ATCAY: variants seen among roughly 807,000 people sequenced by gnomAD.
ATCAY encodes caytaxin.
In ATCAY, 22 loss-of-function variants were observed where a neutral mutation model predicts 47.7. The ratio of observed to expected loss-of-function variants is 0.46; its 90% CI spans 0.33 to 0.66. The LOEUF is 0.66. Ranked by LOEUF, ATCAY falls within the 30% of genes least tolerant of loss-of-function variation. The probability of loss-of-function intolerance (pLI) is 0.02; values close to 1 mark genes in which losing one functional copy is unlikely to be tolerated. For synonymous variants in ATCAY, 216 were observed against 207.6 expected (o/e 1.04, Z -0.35); for missense variants, 452 against 515.0 (o/e 0.88, Z 1.18).
intron 2 of ATCAY, among the ~76,000 whole-genome samples, chr19:3,890,733 C>T (rs1369524379): frequency 2.0e-5 from 3 of 152,212 alleles, no homozygotes; most frequent in Non-Finnish European, 2.9e-5. Flanking sequence ...CAAGGCTTCT[C>T]GCCCACCCGC....
At chr19:3,911,094 C>A (rs538077858) in intron 8 of ATCAY, among the ~76,000 whole-genome samples, 2 of 152,298 alleles carry the variant, frequency 1.3e-5, no homozygotes, top group African/African-American at 2.4e-5. Flanking sequence ...TTAAATTGCA[C>A]ACAGCCAGGC....
chr19:3,885,983 C>CAGAGTGT, intron 2 of ATCAY, 139 bp downstream of exon 2: 1 of 799,984 alleles, frequency 1.3e-6, no homozygotes, highest in Non-Finnish European at 2.1e-6. Context: ...CCTCCTCTCC[C>CAGAGTGT]GCACACTCTG....
At chr19:3,917,163 G>A (rs907272225) in intron 9 of ATCAY, among the ~76,000 whole-genome samples, 7 of 152,210 alleles carry the variant, frequency 4.6e-5, no homozygotes, top group Admixed American at 3.3e-4. Context: ...GGTGGCTCAT[G>A]CCTGTAATCC....
intron 2 of ATCAY, among the ~76,000 whole-genome samples, chr19:3,894,478 C>T (rs1280475317): frequency 3.5e-4 from 47 of 134,204 alleles, no homozygotes; most frequent in Admixed American, 6.1e-4. Context: ...AGTGAGACTC[C>T]GTCTCAAAAA....
rs1032687986 is a variant in ATCAY, at chr19:3,927,907, G to A, written c.*3315G>A. 6.6e-6 allele frequency: 1 copy of A among 152,228 alleles called. No individual in the cohort carries two copies. Among genetic ancestry groups the A allele is most frequent in the Non-Finnish European group, 1.5e-5 (1 of 68,064 alleles). 9.4% of individuals were successfully genotyped at this position (152,228 alleles called of 1,614,324 possible). A position where few individuals can be genotyped will look rare whatever the true frequency, so the allele number is the denominator to read the frequency against. The stretch of plus-strand genomic sequence containing the variant: ...GTTTCCCTCTGGTGACACATGGGAT[G>A]CGTCATAAACCCTCCCCCAAAGTCC... On this transcript the variant is annotated 3_prime_UTR_variant, in exon 13 of 13. Transcript: ENST00000450849.
At chr19:3,921,141 C>G (rs1237749121) in intron 12 of ATCAY, among the ~76,000 whole-genome samples, 1 of 152,110 alleles carries the variant, frequency 6.6e-6, no homozygotes, top group Non-Finnish European at 1.5e-5. Flanking sequence ...CCCTGAAGCC[C>G]AGGATATGAT....
chr19:3,909,444 C>G, intron 6 of ATCAY, 42 bp from the exon 7 acceptor site: 1 of 1,600,816 alleles, frequency 6.2e-7, no homozygotes, highest in East Asian at 2.3e-5. Flanking sequence ...TGACCCTGGA[C>G]CCCTCCATGT....
In ATCAY at chr19:3,926,387, T is replaced by C. The variant is rs886894713; in HGVS notation, c.*1795T>C. 1.3e-5 allele frequency: 2 copies of C among 152,260 alleles called. No individual in the cohort carries two copies. Among genetic ancestry groups the C allele is most frequent in the African/African-American group, 4.8e-5 (2 of 41,452 alleles). The allele number at this position is 152,260 out of a possible 1,614,324, so 9.4% of individuals were successfully genotyped here. A position where few individuals can be genotyped will look rare whatever the true frequency, so the allele number is the denominator to read the frequency against. ...TTCCCTCTAATCCTAAATGTCTTCA[T>C]GTCTATCAGTCTGAGCAGACGGTGA... On this transcript the variant is annotated 3_prime_UTR_variant, in exon 13 of 13. Coordinates refer to ENST00000450849, the MANE Select transcript of ATCAY (RefSeq NM_033064.5).
At chr19:3,908,462 C>A in intron 6 of ATCAY, 92 bp downstream of exon 6, 1 of 1,197,120 alleles carries the variant, frequency 8.4e-7, no homozygotes, top group Non-Finnish European at 1.2e-6. Context: ...CATTGTGGCC[C>A]TAGGAAGCCT....
In ATCAY at chr19:3,905,580, G is replaced by A. The variant is rs1381590154; in HGVS notation, c.283G>A (p.Val95Met). ...LDTPDDLDIN[V>M]DDIETPDETD... is the part of the protein sequence containing the mutation. The stretch of plus-strand genomic sequence containing the variant: ...TACCCCTGATGACCTGGATATTAAC[G>A]TGGATGACATCGAGACCCCCGATGA... The change falls in exon 4 of 13, where the codon GTG becomes ATG. Residue 95 changes from valine (V) to methionine (M), a missense_variant. Coordinates refer to ENST00000450849, the MANE Select transcript of ATCAY (RefSeq NM_033064.5). 2.7e-5 allele frequency: 43 copies of A among 1,613,658 alleles called. No homozygotes were observed. Among genetic ancestry groups the A allele is most frequent in the Admixed American group, 6.7e-5 (4 of 59,930 alleles).
At chr19:3,904,448 T>A (rs1479940912) in intron 3 of ATCAY, among the ~76,000 whole-genome samples, 1 of 152,198 alleles carries the variant, frequency 6.6e-6, no homozygotes, top group Non-Finnish European at 1.5e-5. Context: ...CAGACTGAGG[T>A]TCCCCCAGGC....
intron 12 of ATCAY, among the ~76,000 whole-genome samples, chr19:3,923,740 ATGGATGGATGGG>A (rs1489486813): frequency 7.5e-6 from 1 of 133,588 alleles, no homozygotes; most frequent in Non-Finnish European, 1.6e-5. Flanking sequence ...GGGTGGGTGG[ATGGATGGATGGG>A]TAGATGGATG....
chr19:3,922,978 C>T (rs181323358), intron 12 of ATCAY, among the ~76,000 whole-genome samples: 91 of 152,198 alleles, frequency 6.0e-4, no homozygotes, highest in African/African-American at 2.1e-3. Flanking sequence ...ATCTCCTGAC[C>T]TCGTGATCCA....
chr19:3,918,708 G>A (rs1052410106), intron 10 of ATCAY, 98 bp from the exon 11 acceptor site: 1 of 1,307,430 alleles, frequency 7.6e-7, no homozygotes, highest in Non-Finnish European at 1.1e-6. Context: ...ACAGGTCCCA[G>A]GGGACAGGAA....
At chr19:3,902,902 GCA>G (rs1473273239) in intron 3 of ATCAY, among the ~76,000 whole-genome samples, 1 of 152,166 alleles carries the variant, frequency 6.6e-6, no homozygotes, top group Non-Finnish European at 1.5e-5. Flanking sequence ...AGCCAAGGGT[GCA>G]CTGGGAGGCT....
At chr19:3,896,832 A>G (rs1455859143) in intron 2 of ATCAY, among the ~76,000 whole-genome samples, 4 of 151,910 alleles carry the variant, frequency 2.6e-5, no homozygotes, top group Admixed American at 2.0e-4. Flanking sequence ...GCTGGAGTGC[A>G]GTGTCACGAT....
At chr19:3,909,699 T>G in intron 7 of ATCAY, 82 bp downstream of exon 7, 2 of 1,524,450 alleles carry the variant, frequency 1.3e-6, no homozygotes, top group South Asian at 2.4e-5. Flanking sequence ...ACACCTGGAA[T>G]CCCAGCACTT....
intron 1 of ATCAY, among the ~76,000 whole-genome samples, chr19:3,884,643 G>A (rs1198330828): frequency 6.6e-6 from 1 of 152,128 alleles, no homozygotes; most frequent in Non-Finnish European, 1.5e-5. Context: ...CCCTGGAGAA[G>A]GTAGATTTCG....
intron 2 of ATCAY, among the ~76,000 whole-genome samples, chr19:3,886,863 G>A (rs979104325): frequency 7.3e-5 from 11 of 151,222 alleles, no homozygotes; most frequent in African/African-American, 9.7e-5. Context: ...ACAGGCACCC[G>A]CCACCACATC....
Sources: gnomAD v4.1 joint callset for allele counts (sites outside exome capture counted in the v4.1 genomes callset) on GRCh38, gnomAD v4.1.1 for gene constraint, MANE v1.5 for transcripts, NCBI Gene and HGNC (gene_info 2026-07-23, HGNC 2026-07-21) for gene names.